ADGRB3: variants seen among roughly 807,000 people sequenced by gnomAD.
The protein encoded by ADGRB3 is brain-specific angiogenesis inhibitor 3.
In ADGRB3, 37 loss-of-function variants were observed where a neutral mutation model predicts 193.4. The observed-to-expected ratio is 0.19, with a 90% CI of 0.15 to 0.25. The LOEUF is 0.25. Ranked by LOEUF, ADGRB3 falls within the 10% of genes least tolerant of loss-of-function variation. The pLI is 1.00. For synonymous variants in ADGRB3, 690 were observed against 644.2 expected (o/e 1.07, Z -1.08); for missense variants, 1,637 against 1,852.9 (o/e 0.88, Z 2.14).
chr6:69,134,848 A>G (rs1199552929), intron 17 of ADGRB3, among the ~76,000 whole-genome samples: 1 of 152,060 alleles, frequency 6.6e-6, no homozygotes, highest in East Asian at 1.9e-4. Context: ...TATAAGCTAG[A>G]TGGCTATGTT....
At chr6:69,373,580 C>A (rs891983772) in intron 30 of ADGRB3, among the ~76,000 whole-genome samples, 1 of 151,900 alleles carries the variant, frequency 6.6e-6, no homozygotes, top group African/African-American at 2.4e-5. Flanking sequence ...TAATTGTATC[C>A]AAAGTTTTTA....
At chr6:68,948,278 C>A (rs542835777) in intron 6 of ADGRB3, among the ~76,000 whole-genome samples, 2 of 152,210 alleles carry the variant, frequency 1.3e-5, no homozygotes, top group Middle Eastern at 3.4e-3. Flanking sequence ...CTAGAGATAA[C>A]AGTTTTTCTG....
At chr6:69,245,245 C>G (rs7773252) in intron 20 of ADGRB3, among the ~76,000 whole-genome samples, 21,324 of 152,064 alleles carry the variant, frequency 0.14, 1,562 homozygotes, top group Middle Eastern at 0.16. Flanking sequence ...ATCCCATTCT[C>G]TATTCTGTAG....
At chr6:68,966,081 T>C (rs962796065) in intron 8 of ADGRB3, among the ~76,000 whole-genome samples, 2 of 152,164 alleles carry the variant, frequency 1.3e-5, no homozygotes, top group Non-Finnish European at 2.9e-5. Flanking sequence ...TCACATGTTG[T>C]AGTTCAGGGT....
chr6:68,867,743 C>T (rs1439384324), intron 3 of ADGRB3, among the ~76,000 whole-genome samples: 1 of 152,200 alleles, frequency 6.6e-6, no homozygotes, highest in Non-Finnish European at 1.5e-5. Context: ...TCCGCATGTC[C>T]TGTATGTGAG....
chr6:68,911,492 G>C (rs906601096), intron 3 of ADGRB3, among the ~76,000 whole-genome samples: 3 of 152,046 alleles, frequency 2.0e-5, no homozygotes, highest in Admixed American at 6.5e-5. Context: ...TTAAATGCCT[G>C]AGTCATTAAA....
chr6:69,035,360 C>T (rs1007067749), intron 13 of ADGRB3, among the ~76,000 whole-genome samples: 2 of 43,728 alleles, frequency 4.6e-5, no homozygotes, highest in Non-Finnish European at 1.0e-4. Flanking sequence ...GGGTTTTTTG[C>T]TTTTTTTGTT....
rs530287424 is a variant in ADGRB3, at chr6:68,827,110, T to A, written c.758-103449T>A. Among the ~76,000 whole-genome samples, 6 of 152,274 alleles carry A rather than the reference T, an allele frequency of 3.9e-5. No homozygotes were observed. In the East Asian group the frequency reaches 1.2e-3, roughly 29 times the overall value. ...TATAAAAGAGATAAATTGTAGGGAT[T>A]GAGTCCTAGGGAGCTCTATATTGCG... On this transcript the variant is annotated intron_variant, in intron 3 of 31. Transcript: ENST00000370598.
At chr6:68,880,818 T>G (rs967799537) in intron 3 of ADGRB3, among the ~76,000 whole-genome samples, 1 of 152,232 alleles carries the variant, frequency 6.6e-6, no homozygotes, top group East Asian at 1.9e-4. Flanking sequence ...AAATATTGGC[T>G]GCCTATCATA....
intron 20 of ADGRB3, among the ~76,000 whole-genome samples, chr6:69,298,827 G>A (rs1767891034): frequency 6.6e-6 from 1 of 152,064 alleles, no homozygotes; most frequent in South Asian, 2.1e-4. Flanking sequence ...ATAGTGAATA[G>A]TGCTGCAATA....
At chr6:68,796,525 C>A (rs1045741325) in intron 3 of ADGRB3, among the ~76,000 whole-genome samples, 3 of 152,142 alleles carry the variant, frequency 2.0e-5, no homozygotes, top group African/African-American at 4.8e-5. Context: ...TGACAATTTA[C>A]TATTTTGTCT....
chr6:69,139,350 G>A (rs1436172761), intron 17 of ADGRB3, among the ~76,000 whole-genome samples: 1 of 152,168 alleles, frequency 6.6e-6, no homozygotes, highest in Non-Finnish European at 1.5e-5. Context: ...TGGTTCCTTA[G>A]TACCCTGTTA....
At chr6:69,184,383 G>A (rs561120690) in intron 17 of ADGRB3, among the ~76,000 whole-genome samples, 10 of 152,074 alleles carry the variant, frequency 6.6e-5, no homozygotes, top group African/African-American at 2.4e-4. Context: ...GCTAATAAAA[G>A]TCAAACCACC....
intron 22 of ADGRB3, 48 bp from the exon 23 acceptor site, chr6:69,330,458 A>C: frequency 6.7e-7 from 1 of 1,482,536 alleles, no homozygotes; most frequent in Non-Finnish European, 9.3e-7. Context: ...TTAGTGGTCT[A>C]ATACTTGTCA....
intron 11 of ADGRB3, among the ~76,000 whole-genome samples, chr6:68,997,150 G>A (rs1386370525): frequency 1.3e-5 from 2 of 152,130 alleles, no homozygotes; most frequent in Non-Finnish European, 2.9e-5. Flanking sequence ...AACTACTACA[G>A]ACAGAATAGC....
intron 15 of ADGRB3, among the ~76,000 whole-genome samples, chr6:69,053,504 TGGCTATGTGTG>T (rs1286845307): frequency 1.3e-5 from 2 of 152,152 alleles, no homozygotes; most frequent in Non-Finnish European, 2.9e-5. Flanking sequence ...CCAGAGTGGG[TGGCTATGTGTG>T]GGCAGTTTCA....
chr6:68,857,625 T>C (rs114132790), intron 3 of ADGRB3, among the ~76,000 whole-genome samples: 2,334 of 152,330 alleles, frequency 0.015, 57 homozygotes, highest in African/African-American at 0.053. Context: ...ATTTTCTTTT[T>C]ATTTTACAGA....
Position 69,386,963 on chromosome 6 carries a change from G to C in ADGRB3, c.4381-1740G>C, listed in dbSNP as rs1405796883. On this transcript the variant is annotated intron_variant, in intron 31 of 31. Transcript: ENST00000370598. ...AATAAGTATAGCTACTATATATTGA[G>C]TGTTTATTAAATTCTCCAGGCATCA... Among the ~76,000 whole-genome samples the C allele has an allele frequency of 2.6e-5, 4 of 152,116 alleles. No individual in the cohort carries two copies. In the East Asian group the frequency reaches 7.7e-4, roughly 29 times the overall value.
At chr6:69,029,803 A>C (rs971497696) in intron 13 of ADGRB3, among the ~76,000 whole-genome samples, 2 of 152,122 alleles carry the variant, frequency 1.3e-5, no homozygotes, top group South Asian at 2.1e-4. Flanking sequence ...CTATAATAAT[A>C]CAGGCCAAGA....
Sources: gnomAD v4.1 joint callset for allele counts (sites outside exome capture counted in the v4.1 genomes callset) on GRCh38, gnomAD v4.1.1 for gene constraint, MANE v1.5 for transcripts, NCBI Gene and HGNC (gene_info 2026-07-23, HGNC 2026-07-21) for gene names.